The following NRXN1 variants were observed in gnomAD, a reference collection of about 807,000 sequenced individuals.
The protein encoded by NRXN1 is neurexin 1.
A neutral mutation model predicts 150.9 loss-of-function variants in NRXN1; 39 were observed. That is an observed-to-expected ratio of 0.26 (90% CI 0.20 to 0.34). The LOEUF is 0.34. Ranked by LOEUF, NRXN1 falls within the 10% of genes least tolerant of loss-of-function variation. NRXN1 has a pLI of 1.00. For missense variants in NRXN1, 1,815 were observed against 1,949.9 expected, an observed-to-expected ratio of 0.93 and a Z score of 1.30; for synonymous variants, 924 against 757.0, an observed-to-expected ratio of 1.22 and a Z score of -3.62.
intron 5 of NRXN1, among the ~76,000 whole-genome samples, chr2:50,739,649 T>A (rs1699196286): frequency 6.6e-6 from 1 of 152,200 alleles, no homozygotes; most frequent in Admixed American, 6.5e-5. Context: ...TGGCACAGTT[T>A]AAATCAATGT....
At chr2:50,635,342 T>G (rs941267224) in intron 5 of NRXN1, among the ~76,000 whole-genome samples, 3 of 150,990 alleles carry the variant, frequency 2.0e-5, no homozygotes, top group South Asian at 2.1e-4. Context: ...TTTTTCTGTA[T>G]TTTTAGTAGA....
intron 8 of NRXN1, among the ~76,000 whole-genome samples, chr2:50,572,915 G>C (rs771214638): frequency 2.4e-4 from 37 of 152,174 alleles, no homozygotes; most frequent in Non-Finnish European, 8.8e-5. Context: ...ATTTGAGCAA[G>C]TATCTTTATT....
chr2:50,831,196 A>G (rs1402247812), intron 5 of NRXN1, among the ~76,000 whole-genome samples: 1 of 152,222 alleles, frequency 6.6e-6, no homozygotes, highest in East Asian at 1.9e-4. Flanking sequence ...TTCTCACACA[A>G]TGGAAACTGT....
intron 17 of NRXN1, among the ~76,000 whole-genome samples, chr2:50,420,983 T>C (rs2083946030): frequency 6.9e-6 from 1 of 144,266 alleles, no homozygotes; most frequent in South Asian, 2.1e-4. Context: ...TGTGTGTGTG[T>C]GTGTGTGTGT....
rs1265445476 is a variant in NRXN1 at position 50,216,230 on chromosome 2, TAATTA to T, written c.3546+20554_3546+20558del. 2.0e-5 allele frequency among the ~76,000 whole-genome samples: 3 copies of T among 151,892 alleles called. No homozygotes were observed. The East Asian group carries it at 5.8e-4, about 29-fold the overall frequency. On this transcript the variant is annotated intron_variant, in intron 18 of 22. Coordinates refer to ENST00000401669, the MANE Select transcript of NRXN1 (RefSeq NM_001330078.2). ...AGCAGAACTCCATCTCAAAAATAAA[TAATTA>T]AATTAAATTAAATACTTCAGTGTCA...
chr2:50,429,256 C>CTT (rs11452984), intron 17 of NRXN1, among the ~76,000 whole-genome samples: 2 of 151,514 alleles, frequency 1.3e-5, no homozygotes, highest in East Asian at 3.9e-4. Context: ...AAAAAAAATA[C>CTT]TTTTTTTTCT....
At position 50,334,192 on chromosome 2, in the gene NRXN1, A is replaced by ATTTTAT. The variant is rs1553457970; in HGVS notation, c.3365-97223_3365-97222insATAAAA. Among the ~76,000 whole-genome samples, 87 of 118,916 alleles carry ATTTTAT rather than the reference A, an allele frequency of 7.3e-4. 4 individuals carry two copies. Among genetic ancestry groups the ATTTTAT allele is most frequent in the African/African-American group, 1.6e-3 (37 of 23,150 alleles). The allele number at this position is 118,916 out of a possible 152,430, so 78.0% of individuals were successfully genotyped here. A position where few individuals can be genotyped will look rare whatever the true frequency, so the allele number is the denominator to read the frequency against. On this transcript the variant is annotated intron_variant, in intron 17 of 22. Coordinates refer to ENST00000401669, the MANE Select transcript of NRXN1 (RefSeq NM_001330078.2). ...CTGCCTTTCCTTAAGACCAGGACCA[A>ATTTTAT]ATATATATATATATATATATGTATG...
chr2:50,571,250 G>C (rs1670619146), intron 8 of NRXN1, among the ~76,000 whole-genome samples: 1 of 152,136 alleles, frequency 6.6e-6, no homozygotes, highest in African/African-American at 2.4e-5. Flanking sequence ...ATAGCTGATT[G>C]CTTCAGAAAA....
chr2:50,416,735 G>T (rs145325763), intron 17 of NRXN1, among the ~76,000 whole-genome samples: 1 of 151,874 alleles, frequency 6.6e-6, no homozygotes, highest in African/African-American at 2.4e-5. Context: ...AGAGGGAAAA[G>T]CCCCTTATAA....
intron 18 of NRXN1, among the ~76,000 whole-genome samples, chr2:50,175,737 G>A (rs1237088804): frequency 1.3e-5 from 2 of 152,034 alleles, no homozygotes; most frequent in Non-Finnish European, 2.9e-5. Flanking sequence ...GTAACACTCA[G>A]AATATACACA....
chr2:50,936,028 G>A (rs1688495540), intron 2 of NRXN1, among the ~76,000 whole-genome samples: 1 of 152,056 alleles, frequency 6.6e-6, no homozygotes, highest in Non-Finnish European at 1.5e-5. Context: ...GATACATAGT[G>A]AATGAAATAA....
intron 18 of NRXN1, among the ~76,000 whole-genome samples, chr2:50,096,399 A>C (rs1367198676): frequency 6.6e-6 from 1 of 152,220 alleles, no homozygotes; most frequent in Non-Finnish European, 1.5e-5. Flanking sequence ...TAAATTATAT[A>C]AGCAATAAAA....
At chr2:50,049,375 A>G (rs1692342563) in intron 21 of NRXN1, among the ~76,000 whole-genome samples, 1 of 152,122 alleles carries the variant, frequency 6.6e-6, no homozygotes. Context: ...AGAGTTTCCT[A>G]GTTCAACCTA....
chr2:50,611,450 T>C (rs1161670525), intron 8 of NRXN1, among the ~76,000 whole-genome samples: 1 of 152,174 alleles, frequency 6.6e-6, no homozygotes, highest in African/African-American at 2.4e-5. Flanking sequence ...ACTCACCAGA[T>C]GCTTTGTGGA....
In NRXN1 at chr2:50,667,143, A is replaced by C. The variant is rs149619363; in HGVS notation, c.833-43528T>G. On this transcript the variant is annotated intron_variant, in intron 5 of 22. Transcript: ENST00000401669. ...TTCTAAAGATTTAAAAAATTTATAA[A>C]TTGAAATATAAAGAATTTACACAAT... 6.1e-3 allele frequency among the ~76,000 whole-genome samples: 929 copies of C among 151,662 alleles called. 10 individuals are homozygous for C. Among genetic ancestry groups the C allele is most frequent in the African/African-American group, 0.021 (859 of 41,396 alleles).
At chr2:50,191,117 C>A (rs1395317420) in intron 18 of NRXN1, among the ~76,000 whole-genome samples, 1 of 152,082 alleles carries the variant, frequency 6.6e-6, no homozygotes, top group Non-Finnish European at 1.5e-5. Context: ...TAACCTCCGC[C>A]TCCCAGGTTC....
intron 17 of NRXN1, among the ~76,000 whole-genome samples, chr2:50,308,099 T>G (rs1236871227): frequency 6.6e-6 from 1 of 152,302 alleles, no homozygotes. Flanking sequence ...TTTTTGTTGT[T>G]GTTGTTGGTA....
At chr2:50,295,245 C>T (rs573016902) in intron 17 of NRXN1, among the ~76,000 whole-genome samples, 1 of 152,236 alleles carries the variant, frequency 6.6e-6, no homozygotes, top group Admixed American at 6.5e-5. Flanking sequence ...CTACAAAGAA[C>T]ATCTTTATAT....
chr2:50,018,023 TA>T (rs1486858700), intron 21 of NRXN1, among the ~76,000 whole-genome samples: 1 of 152,156 alleles, frequency 6.6e-6, no homozygotes, highest in Non-Finnish European at 1.5e-5. Flanking sequence ...GATAGATACT[TA>T]ACAGTTTGAT....
Sources: allele counts gnomAD v4.1 joint callset (sites outside exome capture counted in the v4.1 genomes callset), GRCh38; gene constraint gnomAD v4.1.1; transcripts MANE v1.5; gene names NCBI Gene and HGNC (gene_info 2026-07-23, HGNC 2026-07-21).